The following SYNDIG1 variants were observed in gnomAD, a reference collection of about 807,000 sequenced individuals.
The protein encoded by SYNDIG1 is synapse differentiation-inducing gene protein 1.
A neutral mutation model predicts 19.4 loss-of-function variants in SYNDIG1; 9 were observed. That is an observed-to-expected ratio of 0.46 (90% CI 0.28 to 0.81). The LOEUF (loss-of-function observed/expected upper bound fraction) is 0.81. Ranked by LOEUF, SYNDIG1 falls within the 30% of genes least tolerant of loss-of-function variation. SYNDIG1 has a pLI of 0.12. For missense variants in SYNDIG1, 311 were observed against 343.3 expected, an observed-to-expected ratio of 0.91 and a Z score of 0.74; for synonymous variants, 141 against 145.9, an observed-to-expected ratio of 0.97 and a Z score of 0.24.
At chr20:24,514,927 C>G (rs2056829944) in intron 1 of SYNDIG1, among the ~76,000 whole-genome samples, 2 of 152,228 alleles carry the variant, frequency 1.3e-5, no homozygotes, top group African/African-American at 2.4e-5. Flanking sequence ...CAAACTGTCT[C>G]TCAGACCACA....
intron 1 of SYNDIG1, among the ~76,000 whole-genome samples, chr20:24,514,612 C>A (rs2056822387): frequency 1.3e-5 from 2 of 152,118 alleles, no homozygotes; most frequent in Admixed American, 6.6e-5. Flanking sequence ...CAGGAGCACC[C>A]AGATTCATAA....
intron 3 of SYNDIG1, among the ~76,000 whole-genome samples, chr20:24,660,855 G>A (rs1402013740): frequency 6.6e-6 from 1 of 152,218 alleles, no homozygotes; most frequent in Non-Finnish European, 1.5e-5. Context: ...CCAGGGGCTG[G>A]TCATCTCCAC....
intron 3 of SYNDIG1, among the ~76,000 whole-genome samples, chr20:24,610,934 A>T (rs2058837245): frequency 6.6e-6 from 1 of 152,164 alleles, no homozygotes. Flanking sequence ...ATGACAGGAA[A>T]TGAGTTGAAC....
intron 3 of SYNDIG1, among the ~76,000 whole-genome samples, chr20:24,596,287 G>T (rs2058593367): frequency 6.6e-6 from 1 of 151,950 alleles, no homozygotes; most frequent in South Asian, 2.1e-4. Context: ...TCCTTGCATT[G>T]ATTTTTTAAA....
chr20:24,579,026 A>G (rs2058278858), intron 2 of SYNDIG1, among the ~76,000 whole-genome samples: 1 of 152,266 alleles, frequency 6.6e-6, no homozygotes, highest in Non-Finnish European at 1.5e-5. Flanking sequence ...CGTACATCAC[A>G]GTATATTTAA....
chr20:24,544,860 G>A (rs921180457), intron 2 of SYNDIG1, among the ~76,000 whole-genome samples: 1 of 152,186 alleles, frequency 6.6e-6, no homozygotes. Flanking sequence ...GTATGAGTTT[G>A]TGTGAAGATC....
Position 24,501,697 on chromosome 20 carries a change from G to A in SYNDIG1, c.-79+31944G>A, listed in dbSNP as rs116932602. On this transcript the variant is annotated intron_variant, in intron 1 of 3. Coordinates refer to ENST00000376862, the MANE Select transcript of SYNDIG1 (RefSeq NM_024893.3). ...TGTCCATGTCACAGGGGGTTATTAC[G>A]TATTTCATGGTAAGCTTAGTCCCTG... 2.4e-3 allele frequency among the ~76,000 whole-genome samples: 365 copies of A among 152,296 alleles called. 2 individuals are homozygous for A. Among genetic ancestry groups the A allele is most frequent in the Non-Finnish European group, 4.4e-3 (298 of 68,030 alleles).
intron 3 of SYNDIG1, among the ~76,000 whole-genome samples, chr20:24,652,572 C>T (rs982660479): frequency 1.3e-5 from 2 of 152,166 alleles, no homozygotes; most frequent in African/African-American, 2.4e-5. Flanking sequence ...TTCATTCAGC[C>T]GACTGTGATA....
In SYNDIG1 at chr20:24,538,385, TTAGAG is replaced by T. The variant is rs767762406; in HGVS notation, c.-78-4632_-78-4628del. ...TCTTTATGTGACTAGCTTATTTCAC[TTAGAG>T]TAATGTCCTCAAGGTCCATCCATGC... On this transcript the variant is annotated intron_variant, in intron 1 of 3. Coordinates refer to ENST00000376862, the MANE Select transcript of SYNDIG1 (RefSeq NM_024893.3). Among the ~76,000 whole-genome samples, 31 of 152,352 alleles carry T rather than the reference TTAGAG, an allele frequency of 2.0e-4. 1 individual carries two copies. Among genetic ancestry groups the T allele is most frequent in the Admixed American group, 7.2e-4 (11 of 15,310 alleles).
At chr20:24,616,644 G>A (rs538823629) in intron 3 of SYNDIG1, among the ~76,000 whole-genome samples, 4 of 152,338 alleles carry the variant, frequency 2.6e-5, no homozygotes, top group East Asian at 1.9e-4. Flanking sequence ...CCTGCAAGGC[G>A]GAGCAGAAAG....
chr20:24,515,039 G>A (rs1362219394), intron 1 of SYNDIG1, among the ~76,000 whole-genome samples: 4 of 152,150 alleles, frequency 2.6e-5, no homozygotes, highest in Non-Finnish European at 4.4e-5. Context: ...GGTACATAAC[G>A]AAATGAAGGC....
At chr20:24,518,903 AC>A (rs952568870) in intron 1 of SYNDIG1, among the ~76,000 whole-genome samples, 2 of 152,116 alleles carry the variant, frequency 1.3e-5, no homozygotes, top group African/African-American at 4.8e-5. Context: ...CCACAGACAC[AC>A]CCCGAGGAAG....
chr20:24,606,176 A>G (rs1197858406), intron 3 of SYNDIG1, among the ~76,000 whole-genome samples: 1 of 152,240 alleles, frequency 6.6e-6, no homozygotes, highest in Non-Finnish European at 1.5e-5. Context: ...GCACTGGAGC[A>G]TCATTGCAAG....
intron 3 of SYNDIG1, among the ~76,000 whole-genome samples, chr20:24,605,375 C>T (rs2058741579): frequency 6.6e-6 from 1 of 152,166 alleles, no homozygotes; most frequent in Admixed American, 6.5e-5. Flanking sequence ...TAACTTGTAT[C>T]AGGGAAATGT....
chr20:24,574,699 T>G (rs181243591), intron 2 of SYNDIG1, among the ~76,000 whole-genome samples: 32 of 152,254 alleles, frequency 2.1e-4, no homozygotes, highest in Admixed American at 2.1e-3. Flanking sequence ...AATGCAGGAA[T>G]ATGGAAAACA....
In SYNDIG1 at chr20:24,560,063, C is replaced by CTTTTTTTTTTTTTTTT. The variant is rs60892856; in HGVS notation, c.480+16499_480+16514dup. 2.8e-4 allele frequency among the ~76,000 whole-genome samples: 12 copies of CTTTTTTTTTTTTTTTT among 43,048 alleles called. 5 individuals carry two copies. Among genetic ancestry groups the CTTTTTTTTTTTTTTTT allele is most frequent in the African/African-American group, 1.6e-3 (11 of 6,694 alleles). 28.2% of individuals were successfully genotyped at this position (43,048 alleles called of 152,430 possible). ...TTTTTTTTAACATTTCTCTCCTCTC[C>CTTTTTTTTTTTTTTTT]TTTTTTTTTTTTTTTTTTTTTTTTT... On this transcript the variant is annotated intron_variant, in intron 2 of 3. Coordinates refer to ENST00000376862, the MANE Select transcript of SYNDIG1 (RefSeq NM_024893.3).
At chr20:24,567,542 A>G (rs1278621923) in intron 2 of SYNDIG1, among the ~76,000 whole-genome samples, 1 of 152,174 alleles carries the variant, frequency 6.6e-6, no homozygotes, top group African/African-American at 2.4e-5. Context: ...CTTGAAAAGG[A>G]GAGCCCAAAG....
At chr20:24,515,094 C>T in intron 1 of SYNDIG1, among the ~76,000 whole-genome samples, 1 of 152,180 alleles carries the variant, frequency 6.6e-6, no homozygotes, top group East Asian at 1.9e-4. Context: ...AAAGACACAA[C>T]ATACCAGAAT....
chr20:24,481,438 T>C (rs2055794288), intron 1 of SYNDIG1, among the ~76,000 whole-genome samples: 1 of 152,138 alleles, frequency 6.6e-6, no homozygotes, highest in African/African-American at 2.4e-5. Flanking sequence ...CAGCATGGTG[T>C]CAAGGGGGCC....
Sources: gnomAD v4.1 joint callset for allele counts (sites outside exome capture counted in the v4.1 genomes callset) on GRCh38, gnomAD v4.1.1 for gene constraint, MANE v1.5 for transcripts, NCBI Gene and HGNC (gene_info 2026-07-23, HGNC 2026-07-21) for gene names.